CERS6: variants seen among roughly 807,000 people sequenced by gnomAD.
The protein encoded by CERS6 is ceramide synthase 6.
Under a neutral mutation model 56.8 loss-of-function variants are expected in CERS6, and 26 were observed. That is an observed-to-expected ratio of 0.46 (90% CI 0.34 to 0.63). The LOEUF (loss-of-function observed/expected upper bound fraction) is 0.63, where lower values mean the gene tolerates loss of function less well. Ranked by LOEUF, CERS6 falls within the 30% of genes least tolerant of loss-of-function variation. The probability of loss-of-function intolerance (pLI) is 0.01; values close to 1 mark genes in which losing one functional copy is unlikely to be tolerated. For missense variants in CERS6, 415 were observed against 467.5 expected, an observed-to-expected ratio of 0.89 and a Z score of 1.04; for synonymous variants, 164 against 173.3, an observed-to-expected ratio of 0.95 and a Z score of 0.42.
chr2:168,757,468 T>G (rs1375335729), intron 8 of CERS6, among the ~76,000 whole-genome samples: 1 of 151,260 alleles, frequency 6.6e-6, no homozygotes, highest in Non-Finnish European at 1.5e-5. Flanking sequence ...AAAGTAAAAA[T>G]AAATTCACTG....
intron 9 of CERS6, 76 bp from the exon 10 acceptor site, chr2:168,769,434 C>G: frequency 7.6e-7 from 1 of 1,317,698 alleles, no homozygotes; most frequent in Non-Finnish European, 1.0e-6. Context: ...TTGTGTATGA[C>G]TGCATGTGCT....
At chr2:168,616,582 G>C (rs1285520102) in intron 3 of CERS6, among the ~76,000 whole-genome samples, 2 of 152,136 alleles carry the variant, frequency 1.3e-5, no homozygotes, top group East Asian at 3.8e-4. Flanking sequence ...AGCAGGAGTA[G>C]CTATTCTTAT....
At chr2:168,632,846 T>A (rs1364047006) in intron 4 of CERS6, among the ~76,000 whole-genome samples, 1 of 152,116 alleles carries the variant, frequency 6.6e-6, no homozygotes, top group East Asian at 1.9e-4. Flanking sequence ...GCTTTGTTGG[T>A]GAGAAAGGAA....
At chr2:168,747,391 C>CT (rs1684139891) in intron 8 of CERS6, among the ~76,000 whole-genome samples, 1 of 151,324 alleles carries the variant, frequency 6.6e-6, no homozygotes. Context: ...GAATAATGTT[C>CT]TACCACTATA....
intron 4 of CERS6, among the ~76,000 whole-genome samples, chr2:168,648,313 T>C (rs1451467707): frequency 6.6e-6 from 1 of 152,128 alleles, no homozygotes; most frequent in East Asian, 1.9e-4. Flanking sequence ...TGCGCAAAGG[T>C]GTTCCTAGTA....
chr2:168,487,135 T>C (rs1694290221), intron 1 of CERS6, among the ~76,000 whole-genome samples: 2 of 152,222 alleles, frequency 1.3e-5, no homozygotes, highest in African/African-American at 4.8e-5. Flanking sequence ...ACAAAATGTA[T>C]GTTAAAACAC....
chr2:168,723,244 C>G (rs1304636400), intron 8 of CERS6, among the ~76,000 whole-genome samples: 2 of 152,138 alleles, frequency 1.3e-5, no homozygotes, highest in Non-Finnish European at 2.9e-5. Context: ...GAAGGAAACC[C>G]TACACCTCTA....
At chr2:168,465,588 A>G (rs1253667604) in intron 1 of CERS6, among the ~76,000 whole-genome samples, 2 of 152,242 alleles carry the variant, frequency 1.3e-5, no homozygotes, top group African/African-American at 4.8e-5. Context: ...CTGCTACAGC[A>G]TGAATGAGCT....
chr2:168,735,729 A>C (rs961966407), intron 8 of CERS6, among the ~76,000 whole-genome samples: 13 of 151,768 alleles, frequency 8.6e-5, no homozygotes, highest in African/African-American at 3.1e-4. Context: ...TTTAAAAAAA[A>C]AAATCAGCCA....
chr2:168,477,976 A>G (rs1158343778), intron 1 of CERS6, among the ~76,000 whole-genome samples: 1 of 152,156 alleles, frequency 6.6e-6, no homozygotes, highest in African/African-American at 2.4e-5. Context: ...AAAGAAAGAA[A>G]TATGCTCTTT....
At chr2:168,694,906 A>G in intron 5 of CERS6, 53 bp from the exon 6 acceptor site, 1 of 1,398,970 alleles carries the variant, frequency 7.1e-7, no homozygotes, top group South Asian at 1.2e-5. Context: ...CTGGGATACA[A>G]ATTGGGTTCC....
intron 8 of CERS6, among the ~76,000 whole-genome samples, chr2:168,726,722 C>G (rs1164487365): frequency 6.6e-6 from 1 of 152,106 alleles, no homozygotes; most frequent in African/African-American, 2.4e-5. Flanking sequence ...CTATAAAATT[C>G]TTTATAAATA....
At chr2:168,496,823 A>G (rs542619564) in intron 1 of CERS6, among the ~76,000 whole-genome samples, 2 of 152,184 alleles carry the variant, frequency 1.3e-5, no homozygotes, top group Non-Finnish European at 2.9e-5. Flanking sequence ...CTTCCATTTA[A>G]TTCTAAAATG....
At chr2:168,493,873 CAT>C (rs1694416858) in intron 1 of CERS6, among the ~76,000 whole-genome samples, 1 of 150,580 alleles carries the variant, frequency 6.6e-6, no homozygotes, top group Non-Finnish European at 1.5e-5. Flanking sequence ...TTATATATAA[CAT>C]ATAATGCAAA....
intron 1 of CERS6, among the ~76,000 whole-genome samples, chr2:168,522,304 A>G (rs1270769606): frequency 6.6e-6 from 1 of 152,232 alleles, no homozygotes; most frequent in Non-Finnish European, 1.5e-5. Flanking sequence ...GGTTTCTGAT[A>G]TAGCCCAGTT....
chr2:168,602,209 G>A (rs1218459153), intron 3 of CERS6, among the ~76,000 whole-genome samples: 1 of 152,124 alleles, frequency 6.6e-6, no homozygotes, highest in Non-Finnish European at 1.5e-5. Flanking sequence ...TAAGGGAATT[G>A]ATTTTCAGTA....
chr2:168,766,277 A>T (rs1684727245), intron 9 of CERS6: 5 of 1,582,772 alleles, frequency 3.2e-6, no homozygotes, highest in Middle Eastern at 1.7e-4. Flanking sequence ...ATTCTCTGTG[A>T]CATTTTCTTA....
chr2:168,623,178 A>G (rs1684513231), intron 3 of CERS6, among the ~76,000 whole-genome samples: 1 of 152,216 alleles, frequency 6.6e-6, no homozygotes, highest in African/African-American at 2.4e-5. Flanking sequence ...CAAGACTTCA[A>G]GCCCATTCCT....
At chr2:168,459,205 C>T (rs753452482) in intron 1 of CERS6, among the ~76,000 whole-genome samples, 3 of 152,122 alleles carry the variant, frequency 2.0e-5, no homozygotes, top group South Asian at 2.1e-4. Flanking sequence ...CCCGATTATC[C>T]AAGTCTTTAT....
Sources: allele counts gnomAD v4.1 joint callset (sites outside exome capture counted in the v4.1 genomes callset), GRCh38; gene constraint gnomAD v4.1.1; transcripts MANE v1.5; gene names NCBI Gene and HGNC (gene_info 2026-07-23, HGNC 2026-07-21).